CEP89: variants seen among roughly 807,000 people sequenced by gnomAD.
CEP89 encodes centrosomal protein 89.
Under a neutral mutation model 97.6 loss-of-function variants are expected in CEP89, and 95 were observed. That is an observed-to-expected ratio of 0.97 (90% CI 0.82 to 1.15). CEP89 has a LOEUF of 1.15. Among genes scored for constraint, CEP89 ranks in the 50% most tolerant of loss-of-function variants. CEP89 has a pLI of 0.00. For missense variants in CEP89, 869 were observed against 947.7 expected (o/e 0.92, Z 1.09); for synonymous variants, 354 against 349.1 (o/e 1.01, Z -0.16).
At chr19:32,923,393 C>T (rs1242137770) in intron 12 of CEP89, 46 bp downstream of exon 12, 25 of 879,964 alleles carry the variant, frequency 2.8e-5, no homozygotes, top group Admixed American at 6.3e-5. Flanking sequence ...TTCCTGTTAC[C>T]ATTTGTTTTA....
chr19:32,940,723 G>T (rs1365949782), intron 5 of CEP89, among the ~76,000 whole-genome samples: 1 of 151,474 alleles, frequency 6.6e-6, no homozygotes, highest in Non-Finnish European at 1.5e-5. Flanking sequence ...ACCCCAGTTT[G>T]CCTGTACACA....
At chr19:32,931,616 A>G in intron 8 of CEP89, 45 bp from the exon 9 acceptor site, 1 of 1,426,662 alleles carries the variant, frequency 7.0e-7, no homozygotes. Context: ...ATAACATCCA[A>G]TTTATCCAGA....
intron 5 of CEP89, among the ~76,000 whole-genome samples, chr19:32,943,795 G>C (rs1281394048): frequency 6.6e-6 from 1 of 152,026 alleles, no homozygotes; most frequent in Non-Finnish European, 1.5e-5. Context: ...CAGTCAGCAG[G>C]GGCTGGCAGG....
intron 6 of CEP89, among the ~76,000 whole-genome samples, chr19:32,939,006 G>A (rs1163999369): frequency 6.6e-6 from 1 of 152,036 alleles, no homozygotes. Context: ...AATGCCCTTG[G>A]GAGGCCAAGG....
At chr19:32,908,998 T>G (rs545235933) in intron 14 of CEP89, among the ~76,000 whole-genome samples, 1 of 152,348 alleles carries the variant, frequency 6.6e-6, no homozygotes, top group Non-Finnish European at 1.5e-5. Flanking sequence ...CTCTGCCCAT[T>G]GGCAACCCTG....
rs760768515 is a variant in CEP89, at chr19:32,966,365, T to C, written c.141A>G (p.Arg47=). 6.5e-7 allele frequency: 1 copy of C among 1,527,290 alleles called. No individual in the cohort carries two copies. Among genetic ancestry groups the C allele is most frequent in the Non-Finnish European group, 8.8e-7 (1 of 1,130,212 alleles). The allele number at this position is 1,527,290 out of a possible 1,614,324, so 94.6% of individuals were successfully genotyped here. The stretch of plus-strand genomic sequence containing the variant: ...CCTGCTCATCTGATACTCACCTTGG[T>C]CTCTCTGGAGATGGGTTGGGGCTGC... ...PPRSPNPSPE[R]PRSALAAAIL... is the part of the protein sequence containing the mutation. Residue 47 remains arginine (R), a synonymous_variant, in exon 2 of 19, where the codon AGA becomes AGG. Transcript: ENST00000305768.
intron 9 of CEP89, among the ~76,000 whole-genome samples, chr19:32,928,281 C>A (rs1970403933): frequency 6.6e-6 from 1 of 152,040 alleles, no homozygotes; most frequent in African/African-American, 2.4e-5. Flanking sequence ...GGATATGGAA[C>A]TTTTTAATGT....
intron 3 of CEP89, among the ~76,000 whole-genome samples, chr19:32,958,014 C>T (rs1010956519): frequency 3.2e-4 from 29 of 89,500 alleles, no homozygotes; most frequent in African/African-American, 1.7e-3. Flanking sequence ...ACAAAAAAAT[C>T]CCCCCCCCGC....
Position 32,915,450 on chromosome 19 carries a change from C to T in CEP89, c.1452G>A (p.Ala484=), listed in dbSNP as rs150139285. The T allele has an allele frequency of 1.0e-4, 165 of 1,613,642 alleles. No homozygotes were observed. In the African/African-American group the frequency reaches 1.5e-3, roughly 14 times the overall value. The change falls in exon 14 of 19, where the codon GCG becomes GCA. Residue 484 remains alanine, a synonymous_variant. Coordinates refer to ENST00000305768, the MANE Select transcript of CEP89 (RefSeq NM_032816.5). The stretch of plus-strand genomic sequence containing the variant: ...AAATCTCCAGCTGTTCCCTGTTCTC[C>T]GCCAGCTCCTTTTCCTGGCCGTGGG... ...AKTHGQEKEL[A]ENREQLEILR...
chr19:32,964,176 AT>A (rs113541335), intron 2 of CEP89, among the ~76,000 whole-genome samples: 36,553 of 147,406 alleles, frequency 0.25, 4,569 homozygotes, highest in Admixed American at 0.34. Context: ...TTGTGTATAC[AT>A]TTTTTTTTTT....
intron 3 of CEP89, 40 bp from the exon 4 acceptor site, chr19:32,953,841 A>T: frequency 7.5e-7 from 1 of 1,341,462 alleles, no homozygotes; most frequent in Admixed American, 1.8e-5. Context: ...ACAAAAAGTC[A>T]CTTAACACTT....
chr19:32,951,577 A>T lies in CEP89; in HGVS notation c.492+2038T>A, dbSNP rs1303987350. On this transcript the variant is annotated intron_variant, in intron 4 of 18. Transcript: ENST00000305768. Reference sequence around the variant, plus strand: ...CACACACACACACACGCACACTACTACAGTTGTTTACTTAAACTTGTAGTA... The same window carrying T: ...CACACACACACACACGCACACTACTTCAGTTGTTTACTTAAACTTGTAGTA... 2.0e-5 allele frequency among the ~76,000 whole-genome samples: 3 copies of T among 150,748 alleles called. 1 individual carries two copies. In the South Asian group the frequency reaches 6.3e-4, roughly 32 times the overall value.
At chr19:32,901,447 C>T (rs1969768976) in intron 14 of CEP89, 35 bp from the exon 15 acceptor site, 1 of 1,591,896 alleles carries the variant, frequency 6.3e-7, no homozygotes. Flanking sequence ...TCGTATCCAG[C>T]ACAATGAAGC....
At chr19:32,967,382 T>C (rs1971306382) in intron 1 of CEP89, among the ~76,000 whole-genome samples, 1 of 151,532 alleles carries the variant, frequency 6.6e-6, no homozygotes, top group Non-Finnish European at 1.5e-5. Context: ...CAAAACACCA[T>C]GACAGCAATG....
chr19:32,959,435 A>G (rs1028848029), intron 3 of CEP89, among the ~76,000 whole-genome samples: 15 of 152,170 alleles, frequency 9.9e-5, no homozygotes, highest in African/African-American at 3.6e-4. Context: ...CAGGACAAGC[A>G]ACAAAGGAAA....
At position 32,923,559 on chromosome 19, in the gene CEP89, G is replaced by T; in HGVS notation, c.1165-17C>A. 2.0e-6 allele frequency: 3 copies of T among 1,467,280 alleles called. No homozygotes were observed. Among genetic ancestry groups the T allele is most frequent in the Non-Finnish European group, 1.9e-6 (2 of 1,047,524 alleles). 90.9% of individuals were successfully genotyped at this position (1,467,280 alleles called of 1,614,324 possible). On this transcript the variant is annotated splice_polypyrimidine_tract_variant and intron_variant, in intron 11 of 18. Coordinates refer to ENST00000305768, the MANE Select transcript of CEP89 (RefSeq NM_032816.5). ...CATTTCCTCCTGAAATAAAATGTAC[G>T]TAAATTATAACACACACATACCCAC...
chr19:32,950,075 G>C (rs888081476), intron 4 of CEP89, among the ~76,000 whole-genome samples: 3 of 150,214 alleles, frequency 2.0e-5, no homozygotes, highest in Admixed American at 1.3e-4. Context: ...GGCCAGTCTT[G>C]AACTCTTGTC....
intron 12 of CEP89, among the ~76,000 whole-genome samples, 200 bp from the exon 13 acceptor site, chr19:32,918,539 C>T (rs1033241355): frequency 4.6e-5 from 7 of 152,148 alleles, no homozygotes; most frequent in East Asian, 1.9e-4. Context: ...GTCTGAATTA[C>T]GGACTGCTTC....
chr19:32,912,277 C>T (rs1040156621), intron 14 of CEP89, among the ~76,000 whole-genome samples: 1 of 151,990 alleles, frequency 6.6e-6, no homozygotes, highest in African/African-American at 2.4e-5. Context: ...CACCTTGGCT[C>T]GGCTATGGTG....
Sources: allele counts gnomAD v4.1 joint callset (sites outside exome capture counted in the v4.1 genomes callset), GRCh38; gene constraint gnomAD v4.1.1; transcripts MANE v1.5; gene names NCBI Gene and HGNC (gene_info 2026-07-23, HGNC 2026-07-21).